PCGF5: variants seen among roughly 807,000 people sequenced by gnomAD.
The protein encoded by PCGF5 is polycomb group RING finger protein 5.
A neutral mutation model predicts 44.3 loss-of-function variants in PCGF5; 9 were observed. The ratio of observed to expected loss-of-function variants is 0.20; its 90% CI spans 0.12 to 0.35. PCGF5 has a LOEUF of 0.35. Ranked by LOEUF, PCGF5 falls within the 10% of genes least tolerant of loss-of-function variation. PCGF5 has a pLI of 1.00. For synonymous variants in PCGF5, 95 were observed against 102.5 expected (o/e 0.93, Z 0.44); for missense variants, 146 against 305.3 (o/e 0.48, Z 3.89).
chr10:91,204,660 T>TCCCGCAAAGAAGGAGAG (rs1427622548), intron 1 of PCGF5, among the ~76,000 whole-genome samples: 2 of 152,186 alleles, frequency 1.3e-5, no homozygotes, highest in Non-Finnish European at 2.9e-5. Context: ...GAAGGAGAGC[T>TCCCGCAAAGAAGGAGAG]CTGAGGATAA....
upstream of PCGF5, among the ~76,000 whole-genome samples, chr10:91,219,270 A>T (rs1180115426): frequency 6.6e-6 from 1 of 152,204 alleles, no homozygotes; most frequent in Non-Finnish European, 1.5e-5. Context: ...TTCCTTCAGG[A>T]ATACTGATTA....
Position 91,268,117 on chromosome 10 carries a change from T to C in PCGF5, c.664-3521T>C, listed in dbSNP as rs148467786. ...GTGTGTATATGTGTGTGTGTGCATA[T>C]GTGTGTGTGTGTTCCTAGACATTGT... is the stretch of plus-strand genomic sequence containing the variant. On this transcript the variant is annotated intron_variant, in intron 8 of 9. Coordinates refer to ENST00000336126, the MANE Select transcript of PCGF5 (RefSeq NM_032373.5). 3.3e-3 allele frequency among the ~76,000 whole-genome samples: 502 copies of C among 152,034 alleles called. 1 individual carries two copies. The highest frequency in any genetic ancestry group is 0.011 in the African/African-American group (467 of 41,496).
At chr10:91,213,765 G>A (rs915202418) in intron 1 of PCGF5, among the ~76,000 whole-genome samples, 22 of 152,056 alleles carry the variant, frequency 1.4e-4, no homozygotes, top group East Asian at 3.9e-4. Context: ...GATTACAGGC[G>A]TGAGCCACCA....
intron 2 of PCGF5, among the ~76,000 whole-genome samples, chr10:91,240,157 A>G (rs538611918): frequency 3.9e-5 from 6 of 151,994 alleles, no homozygotes; most frequent in African/African-American, 1.5e-4. Flanking sequence ...TTTCTGTCCT[A>G]CTTCTTTAAA....
At chr10:91,250,913 C>CTT (rs10648437) in intron 5 of PCGF5, among the ~76,000 whole-genome samples, 75,918 of 151,054 alleles carry the variant, frequency 0.5, 21,585 homozygotes, top group African/African-American at 0.79. Context: ...TATTTATAAA[C>CTT]GAGTATAATT....
chr10:91,278,889 T>A lies in PCGF5; in HGVS notation c.*573T>A, dbSNP rs1227917481. On this transcript the variant is annotated 3_prime_UTR_variant, in exon 10 of 10. Transcript: ENST00000336126. ...TTTGCCAAGAATTCCAATTATTCTG[T>A]AACATTAGAGCACAATATAATTGTA... 6.5e-6 allele frequency: 1 copy of A among 153,330 alleles called. No homozygotes were observed. The highest frequency in any genetic ancestry group is 2.4e-5 in the African/African-American group (1 of 41,462). 9.5% of individuals were successfully genotyped at this position (153,330 alleles called of 1,614,324 possible).
intron 1 of PCGF5, among the ~76,000 whole-genome samples, chr10:91,186,542 G>GTA (rs59771061): frequency 4.2e-4 from 62 of 147,912 alleles, no homozygotes; most frequent in Non-Finnish European, 7.9e-4. Context: ...GTGTGTGTGT[G>GTA]TATATATATA....
At chr10:91,225,584 C>A (rs1228948835) in intron 2 of PCGF5, among the ~76,000 whole-genome samples, 1 of 151,794 alleles carries the variant, frequency 6.6e-6, no homozygotes, top group Non-Finnish European at 1.5e-5. Flanking sequence ...TCCGGTAGCA[C>A]TAATCTTTAT....
chr10:91,177,502 A>G (rs566905053), intron 1 of PCGF5, among the ~76,000 whole-genome samples: 2 of 152,256 alleles, frequency 1.3e-5, no homozygotes, highest in South Asian at 4.2e-4. Flanking sequence ...TTGCCCCCGG[A>G]GGTGGAGTCT....
chr10:91,177,997 G>A (rs1843743329), intron 1 of PCGF5, among the ~76,000 whole-genome samples: 1 of 152,208 alleles, frequency 6.6e-6, no homozygotes. Flanking sequence ...TCCATATTCT[G>A]CGTCGCTCAC....
chr10:91,210,563 C>G (rs975923078), intron 1 of PCGF5, among the ~76,000 whole-genome samples: 1 of 152,164 alleles, frequency 6.6e-6, no homozygotes, highest in African/African-American at 2.4e-5. Context: ...TATAGAAGCA[C>G]AGGGCCAGCA....
At chr10:91,191,308 C>A (rs568356308) in intron 1 of PCGF5, among the ~76,000 whole-genome samples, 1 of 152,214 alleles carries the variant, frequency 6.6e-6, no homozygotes, top group East Asian at 1.9e-4. Flanking sequence ...AACAGTCAAT[C>A]TGATAACTGA....
At chr10:91,230,882 C>A in intron 2 of PCGF5, among the ~76,000 whole-genome samples, 1 of 152,124 alleles carries the variant, frequency 6.6e-6, no homozygotes. Flanking sequence ...CTTGACCTCC[C>A]AAAGTGCTGG....
rs1273303865 is a variant in PCGF5, at chr10:91,283,077, T to G, written c.*4761T>G. On this transcript the variant is annotated 3_prime_UTR_variant, in exon 10 of 10. Transcript: ENST00000336126. ...TTGAGTAGCATTTTGACAGAAAATA[T>G]CAGACTGAAAGTTCATTCAAATGTA... 1 of 152,176 alleles carries G rather than the reference T, an allele frequency of 6.6e-6. No homozygotes were observed. Among genetic ancestry groups the G allele is most frequent in the Non-Finnish European group, 1.5e-5 (1 of 68,026 alleles). 9.4% of individuals were successfully genotyped at this position (152,176 alleles called of 1,614,324 possible).
At chr10:91,244,228 G>C (rs926746005) in intron 3 of PCGF5, among the ~76,000 whole-genome samples, 1 of 152,086 alleles carries the variant, frequency 6.6e-6, no homozygotes, top group Non-Finnish European at 1.5e-5. Context: ...GTGATGATAG[G>C]CTTCTGTGGG....
chr10:91,216,788 A>G (rs1280438298), upstream of PCGF5, among the ~76,000 whole-genome samples: 1 of 152,208 alleles, frequency 6.6e-6, no homozygotes, highest in Non-Finnish European at 1.5e-5. Context: ...GTTCTCTTCA[A>G]TTCTCTGTTC....
At chr10:91,236,560 C>T (rs1845168518) in intron 2 of PCGF5, among the ~76,000 whole-genome samples, 1 of 152,158 alleles carries the variant, frequency 6.6e-6, no homozygotes, top group Non-Finnish European at 1.5e-5. Flanking sequence ...TAACATCATT[C>T]TTGGACCAAT....
chr10:91,202,919 GA>G (rs1255448104), intron 1 of PCGF5, among the ~76,000 whole-genome samples: 1 of 152,152 alleles, frequency 6.6e-6, no homozygotes, highest in East Asian at 1.9e-4. Flanking sequence ...TTCAAAGGAA[GA>G]AAAACAGTAA....
intron 1 of PCGF5, among the ~76,000 whole-genome samples, chr10:91,183,040 A>G (rs1470983611): frequency 1.3e-5 from 2 of 152,122 alleles, no homozygotes; most frequent in South Asian, 4.1e-4. Flanking sequence ...TTCCGATTAT[A>G]TGATCAATTT....
Sources: allele counts gnomAD v4.1 joint callset (sites outside exome capture counted in the v4.1 genomes callset), GRCh38; gene constraint gnomAD v4.1.1; transcripts MANE v1.5; gene names NCBI Gene and HGNC (gene_info 2026-07-23, HGNC 2026-07-21).